COL4A3: variants seen among roughly 807,000 people sequenced by gnomAD.
The protein encoded by COL4A3 is collagen type IV alpha 3 chain.
Under a neutral mutation model 217.4 loss-of-function variants are expected in COL4A3, and 135 were observed. The observed-to-expected ratio is 0.62, with a 90% CI of 0.54 to 0.72. The LOEUF is 0.72. Ranked by LOEUF, COL4A3 falls within the 30% of genes least tolerant of loss-of-function variation. The pLI, the probability that COL4A3 is intolerant of heterozygous loss-of-function variation, is 0.00. For synonymous variants in COL4A3, 690 were observed against 736.3 expected, an observed-to-expected ratio of 0.94 and a Z score of 1.02; for missense variants, 1,868 against 2,119.9, an observed-to-expected ratio of 0.88 and a Z score of 2.33.
chr2:227,214,074 A>T (rs1264892858), intron 1 of COL4A3, among the ~76,000 whole-genome samples: 1 of 152,178 alleles, frequency 6.6e-6, no homozygotes, highest in Non-Finnish European at 1.5e-5. Context: ...AGATAGCTGA[A>T]GTAAATTGGA....
intron 43 of COL4A3, among the ~76,000 whole-genome samples, chr2:227,302,706 A>AAAAAAAAC (rs2073346361): frequency 7.1e-6 from 1 of 140,834 alleles, no homozygotes. Flanking sequence ...AAAAAAAAAA[A>AAAAAAAAC]TCATTCTGGC....
chr2:227,289,394 AAAG>A, intron 35 of COL4A3, 146 bp downstream of exon 35: 2 of 726,718 alleles, frequency 2.8e-6, no homozygotes, highest in Admixed American at 4.4e-5. Flanking sequence ...AAATTAACTA[AAAG>A]AAGGTGTTGA....
intron 1 of COL4A3, among the ~76,000 whole-genome samples, chr2:227,217,024 C>A (rs1044867330): frequency 6.6e-6 from 1 of 152,120 alleles, no homozygotes; most frequent in African/African-American, 2.4e-5. Flanking sequence ...TAAAGATATA[C>A]CCAAGACTGG....
At chr2:227,189,775 T>C (rs2125697658) in intron 1 of COL4A3, among the ~76,000 whole-genome samples, 1 of 152,342 alleles carries the variant, frequency 6.6e-6, no homozygotes, top group Admixed American at 6.5e-5. Context: ...CAGGTGAGGC[T>C]GGACCTAGCA....
intron 50 of COL4A3, 131 bp from the exon 51 acceptor site, chr2:227,310,645 A>G (rs528970672): frequency 1.3e-6 from 1 of 773,730 alleles, no homozygotes; most frequent in African/African-American, 1.7e-5. Flanking sequence ...TCTAATCTGT[A>G]GCATCGCTCA....
intron 1 of COL4A3, among the ~76,000 whole-genome samples, chr2:227,196,729 C>T (rs1048937415): frequency 6.6e-6 from 1 of 152,158 alleles, no homozygotes; most frequent in Non-Finnish European, 1.5e-5. Flanking sequence ...GGAATCACAT[C>T]TGTTATGTAC....
intron 46 of COL4A3, 88 bp from the exon 47 acceptor site, chr2:227,304,897 T>G: frequency 9.2e-7 from 1 of 1,089,090 alleles, no homozygotes; most frequent in Non-Finnish European, 1.4e-6. Flanking sequence ...TTCCTGAAAC[T>G]GAGAAAGTCC....
intron 46 of COL4A3, among the ~76,000 whole-genome samples, chr2:227,304,641 C>A (rs565154546): frequency 6.6e-6 from 1 of 152,228 alleles, no homozygotes; most frequent in South Asian, 2.1e-4. Flanking sequence ...AATGATTATG[C>A]CTTAAGTTTG....
rs760968700 is a variant in COL4A3 at position 227,245,934 on chromosome 2, G to C, written c.325-20G>C. The stretch of plus-strand genomic sequence containing the variant: ...GTTTCTTGGGATGACCCTCCTCATT[G>C]AGACTTGTTCTTCTTCCAGGGCACC... On this transcript the variant is annotated intron_variant, in intron 5 of 51. Transcript: ENST00000396578. 1 of 1,609,782 alleles carries C rather than the reference G, an allele frequency of 6.2e-7. No homozygotes were observed. The highest frequency in any genetic ancestry group is 1.1e-5 in the South Asian group (1 of 90,994).
intron 1 of COL4A3, among the ~76,000 whole-genome samples, chr2:227,211,292 C>T (rs746629543): frequency 1.3e-5 from 2 of 152,212 alleles, no homozygotes; most frequent in Non-Finnish European, 2.9e-5. Flanking sequence ...TGCCACTGCA[C>T]GCGGCCCCAT....
chr2:227,213,273 G>A (rs56122980), intron 1 of COL4A3, among the ~76,000 whole-genome samples: 41,175 of 151,938 alleles, frequency 0.27, 6,722 homozygotes, highest in Non-Finnish European at 0.37. Context: ...CCAGCCCAAG[G>A]TCACACAGTC....
intron 20 of COL4A3, among the ~76,000 whole-genome samples, chr2:227,262,476 G>A (rs1375275157): frequency 6.6e-6 from 1 of 152,180 alleles, no homozygotes; most frequent in Non-Finnish European, 1.5e-5. Context: ...ATTGCTTTGG[G>A]TAGTATGGTC....
intron 1 of COL4A3, among the ~76,000 whole-genome samples, chr2:227,178,259 G>T (rs967542860): frequency 1.3e-5 from 2 of 150,910 alleles, no homozygotes; most frequent in African/African-American, 4.9e-5. Flanking sequence ...GCATGTGCCT[G>T]CAGTCTCAGC....
rs1349652324 is a variant in COL4A3 at position 227,313,647 on chromosome 2, T to G, written c.*1777T>G. The stretch of plus-strand genomic sequence containing the variant: ...CAGACTATGGCCATGGCTCACATGG[T>G]TTACATCCTTCACTGCTCACGTGTT... On this transcript the variant is annotated 3_prime_UTR_variant, in exon 52 of 52. Coordinates refer to ENST00000396578, the MANE Select transcript of COL4A3 (RefSeq NM_000091.5). 1 of 152,646 alleles carries G rather than the reference T, an allele frequency of 6.6e-6. No homozygotes were observed. The highest frequency in any genetic ancestry group is 1.5e-5 in the Non-Finnish European group (1 of 68,044). 9.5% of individuals were successfully genotyped at this position (152,646 alleles called of 1,614,324 possible). A position where few individuals can be genotyped will look rare whatever the true frequency, so the allele number is the denominator to read the frequency against.
chr2:227,310,720 G>GA, intron 50 of COL4A3, 56 bp from the exon 51 acceptor site: 4 of 1,480,104 alleles, frequency 2.7e-6, no homozygotes, highest in Non-Finnish European at 3.8e-6. Flanking sequence ...GTAGAGAATT[G>GA]AAAATTTGAA....
chr2:227,208,862 A>C (rs866702347), intron 1 of COL4A3, among the ~76,000 whole-genome samples: 1 of 151,562 alleles, frequency 6.6e-6, no homozygotes, highest in Non-Finnish European at 1.5e-5. Flanking sequence ...AAAACAAAGA[A>C]AGAGGAGGGA....
At chr2:227,246,633 T>A (rs2069356294) in intron 6 of COL4A3, 52 bp from the exon 7 acceptor site, 1 of 1,427,748 alleles carries the variant, frequency 7.0e-7, no homozygotes, top group Non-Finnish European at 9.9e-7. Context: ...AATATCTGAA[T>A]AGGCTCTTCT....
At chr2:227,204,620 T>A (rs2067030406) in intron 1 of COL4A3, among the ~76,000 whole-genome samples, 1 of 152,318 alleles carries the variant, frequency 6.6e-6, no homozygotes, top group South Asian at 2.1e-4. Flanking sequence ...TGCCTCTGTC[T>A]TAGCTTAATC....
intron 25 of COL4A3, among the ~76,000 whole-genome samples, chr2:227,271,461 ATTTTTTTTTT>A (rs397988092): frequency 0.12 from 12,523 of 104,736 alleles, 510 homozygotes; most frequent in African/African-American, 0.17. Context: ...ACCTACCAAG[ATTTTTTTTTT>A]TTTTTTTTTT....
Sources: gnomAD v4.1 joint callset for allele counts (sites outside exome capture counted in the v4.1 genomes callset) on GRCh38, gnomAD v4.1.1 for gene constraint, MANE v1.5 for transcripts, NCBI Gene and HGNC (gene_info 2026-07-23, HGNC 2026-07-21) for gene names.